PAK5: variants seen among roughly 807,000 people sequenced by gnomAD.
PAK5 encodes p21 (RAC1) activated kinase 5.
A neutral mutation model predicts 65.9 loss-of-function variants in PAK5; 16 were observed. The ratio of observed to expected loss-of-function variants is 0.24; its 90% confidence interval spans 0.16 to 0.37. The LOEUF (loss-of-function observed/expected upper bound fraction) is 0.37, where lower values mean the gene tolerates loss of function less well. Among genes scored for constraint, PAK5 ranks in the 10% least tolerant of loss-of-function variants. The probability of loss-of-function intolerance (pLI) is 1.00; values close to 1 mark genes in which losing one functional copy is unlikely to be tolerated. For missense variants in PAK5, 785 were observed against 903.9 expected (o/e 0.87, Z 1.69); for synonymous variants, 371 against 354.9 (o/e 1.05, Z -0.51).
At chr20:9,758,021 C>T (rs1231492945) in intron 1 of PAK5, among the ~76,000 whole-genome samples, 1 of 152,132 alleles carries the variant, frequency 6.6e-6, no homozygotes, top group Non-Finnish European at 1.5e-5. Flanking sequence ...GGATTCTTTG[C>T]AGAAGGAGTT....
chr20:9,713,457 G>T (rs997399983), intron 1 of PAK5, among the ~76,000 whole-genome samples: 1 of 152,046 alleles, frequency 6.6e-6, no homozygotes, highest in South Asian at 2.1e-4. Context: ...CAGCATGGAG[G>T]TTTCTCAGAA....
At chr20:9,600,052 AT>A (rs2046334721) in intron 3 of PAK5, among the ~76,000 whole-genome samples, 1 of 152,062 alleles carries the variant, frequency 6.6e-6, no homozygotes, top group African/African-American at 2.4e-5. Context: ...GGCCACCTTC[AT>A]TTTTTAGGCT....
At chr20:9,602,201 G>C (rs2046372401) in intron 3 of PAK5, among the ~76,000 whole-genome samples, 1 of 151,842 alleles carries the variant, frequency 6.6e-6, no homozygotes, top group African/African-American at 2.4e-5. Context: ...TGAGGCAGGA[G>C]AATCACTTGA....
intron 2 of PAK5, among the ~76,000 whole-genome samples, chr20:9,708,225 C>A (rs1364725509): frequency 6.6e-6 from 1 of 152,122 alleles, no homozygotes; most frequent in African/African-American, 2.4e-5. Flanking sequence ...TTGCCTAAGC[C>A]AAGGGACCCT....
intron 1 of PAK5, among the ~76,000 whole-genome samples, chr20:9,795,624 G>A (rs1216495188): frequency 1.3e-5 from 2 of 152,064 alleles, no homozygotes; most frequent in African/African-American, 2.4e-5. Context: ...ATGAACATAC[G>A]TAATGTTTTG....
chr20:9,764,580 C>T (rs761197352), intron 1 of PAK5, among the ~76,000 whole-genome samples: 4 of 152,178 alleles, frequency 2.6e-5, no homozygotes, highest in Non-Finnish European at 5.9e-5. Flanking sequence ...TCAATTATTA[C>T]TACGGTGATG....
At chr20:9,675,875 G>C (rs1453311917) in intron 2 of PAK5, among the ~76,000 whole-genome samples, 1 of 150,150 alleles carries the variant, frequency 6.7e-6, no homozygotes, top group African/African-American at 2.5e-5. Flanking sequence ...AACTTGTTAT[G>C]AGCAATGTTT....
Position 9,673,045 on chromosome 20 carries a change from C to T in PAK5, c.-11-28706G>A, listed in dbSNP as rs145210782. Among the ~76,000 whole-genome samples, 641 of 152,190 alleles carry T rather than the reference C, an allele frequency of 4.2e-3. 2 individuals carry two copies. Among genetic ancestry groups the T allele is most frequent in the Non-Finnish European group, 5.4e-3 (367 of 68,006 alleles). Reference sequence around the variant, plus strand: ...TATTCATCTTTATGCAAAACAATTGCCCATATGAAAGGAAAAAAATAACAT... The same window carrying T: ...TATTCATCTTTATGCAAAACAATTGTCCATATGAAAGGAAAAAAATAACAT... On this transcript the variant is annotated intron_variant, in intron 2 of 9. Transcript: ENST00000353224.
At chr20:9,542,544 CA>C (rs1367964872) in intron 9 of PAK5, 41 bp downstream of exon 9, 1 of 1,611,428 alleles carries the variant, frequency 6.2e-7, no homozygotes, top group Non-Finnish European at 8.5e-7. Flanking sequence ...CAGGAAAATC[CA>C]AAAACTATTC....
chr20:9,717,411 T>G (rs562447722), intron 1 of PAK5, among the ~76,000 whole-genome samples: 1 of 152,236 alleles, frequency 6.6e-6, no homozygotes. Context: ...AGTAAAAAAA[T>G]TAGCGTGCAT....
At chr20:9,756,856 A>G (rs774597746) in intron 1 of PAK5, among the ~76,000 whole-genome samples, 6 of 152,156 alleles carry the variant, frequency 3.9e-5, no homozygotes, top group African/African-American at 7.2e-5. Context: ...GAGGGCCTTT[A>G]TCTCACTATG....
intron 2 of PAK5, among the ~76,000 whole-genome samples, chr20:9,647,405 G>C (rs2047148579): frequency 6.6e-6 from 1 of 152,180 alleles, no homozygotes; most frequent in Admixed American, 6.5e-5. Flanking sequence ...ATGCAAGATG[G>C]AAATTATTTC....
At chr20:9,716,143 TAA>T (rs1177960285) in intron 1 of PAK5, among the ~76,000 whole-genome samples, 108 of 25,982 alleles carry the variant, frequency 4.2e-3, no homozygotes, top group African/African-American at 9.7e-3. Flanking sequence ...TAGAGTATAA[TAA>T]AAAAAAAAAA....
intron 3 of PAK5, among the ~76,000 whole-genome samples, chr20:9,591,917 T>C (rs113934540): frequency 2.6e-5 from 4 of 152,300 alleles, no homozygotes; most frequent in African/African-American, 7.2e-5. Context: ...GTTAAGAAAC[T>C]TGTTAATCTG....
chr20:9,538,812 A>T lies in PAK5; in HGVS notation c.*650T>A, dbSNP rs2045210677. ...CACCAAATAAGACACTTGTTAGGAT[A>T]AGAAAGAGATTTTACTAAAGCTGAC... On this transcript the variant is annotated 3_prime_UTR_variant, in exon 10 of 10. Transcript: ENST00000353224. The T allele has an allele frequency of 1.3e-5, 3 of 233,286 alleles. No homozygotes were observed. The highest frequency in any genetic ancestry group is 2.5e-5 in the Non-Finnish European group (3 of 117,918). The allele number at this position is 233,286 out of a possible 1,614,324, so 14.5% of individuals were successfully genotyped here. A position where few individuals can be genotyped will look rare whatever the true frequency, so the allele number is the denominator to read the frequency against.
chr20:9,792,483 G>T (rs1280615499), intron 1 of PAK5, among the ~76,000 whole-genome samples: 1 of 152,158 alleles, frequency 6.6e-6, no homozygotes, highest in Admixed American at 6.6e-5. Flanking sequence ...GTCCATGACA[G>T]TATCAGGAGT....
chr20:9,538,522 A>G lies in PAK5; in HGVS notation c.*940T>C, dbSNP rs2045205821. ...ACATTCTATTTTGGGAACTGAATCC[A>G]ATGATCCTAGCACTGAAATTGCTCC... On this transcript the variant is annotated 3_prime_UTR_variant, in exon 10 of 10. Transcript: ENST00000353224. The G allele has an allele frequency of 4.3e-6, 1 of 233,282 alleles. No homozygotes were observed. Among genetic ancestry groups the G allele is most frequent in the Non-Finnish European group, 8.5e-6 (1 of 117,944 alleles). 14.5% of individuals were successfully genotyped at this position (233,282 alleles called of 1,614,324 possible).
At chr20:9,694,356 G>A (rs1395829649) in intron 2 of PAK5, among the ~76,000 whole-genome samples, 1 of 150,900 alleles carries the variant, frequency 6.6e-6, no homozygotes, top group African/African-American at 2.4e-5. Flanking sequence ...ATTTTAAAGA[G>A]GTGAGTTACT....
intron 3 of PAK5, among the ~76,000 whole-genome samples, chr20:9,639,068 T>C (rs1227572904): frequency 6.6e-6 from 1 of 152,222 alleles, no homozygotes; most frequent in Non-Finnish European, 1.5e-5. Flanking sequence ...TATCCAGTCT[T>C]TTCTGCCCAT....
Sources: allele counts gnomAD v4.1 joint callset (sites outside exome capture counted in the v4.1 genomes callset), GRCh38; gene constraint gnomAD v4.1.1; transcripts MANE v1.5; gene names NCBI Gene and HGNC (gene_info 2026-07-23, HGNC 2026-07-21).